FTO: variants seen among roughly 807,000 people sequenced by gnomAD.
The protein encoded by FTO is alpha-ketoglutarate-dependent dioxygenase FTO.
Under a neutral mutation model 63.9 loss-of-function variants are expected in FTO, and 47 were observed. The ratio of observed to expected loss-of-function variants is 0.74; its 90% CI spans 0.58 to 0.94. The LOEUF is 0.94. FTO is among the 40% of genes least tolerant of loss of function. The pLI, the probability that FTO is intolerant of heterozygous loss-of-function variation, is 0.00. For synonymous variants in FTO, 207 were observed against 224.4 expected, an observed-to-expected ratio of 0.92 and a Z score of 0.69; for missense variants, 562 against 618.1, an observed-to-expected ratio of 0.91 and a Z score of 0.96.
At chr16:53,719,639 T>G (rs1332488456) in intron 1 of FTO, among the ~76,000 whole-genome samples, 4 of 151,548 alleles carry the variant, frequency 2.6e-5, no homozygotes, top group Non-Finnish European at 4.4e-5. Context: ...TCTGTTTTTT[T>G]TTTTTTTTTT....
intron 4 of FTO, among the ~76,000 whole-genome samples, chr16:53,861,821 T>C (rs373210273): frequency 6.6e-6 from 1 of 152,232 alleles, no homozygotes. Flanking sequence ...ATAATATTTA[T>C]GAAGACTAAT....
Position 53,791,849 on chromosome 16 carries a change from G to A in FTO, c.46-18291G>A, listed in dbSNP as rs187049827. Among the ~76,000 whole-genome samples the A allele has an allele frequency of 3.3e-3, 503 of 152,194 alleles. 4 individuals carry two copies. Among genetic ancestry groups the A allele is most frequent in the African/African-American group, 0.012 (485 of 41,536 alleles). ...AGCACTTTGGGAGGCCGAGGCGGGCGGATCACGAGGTCAGGAGATCGAGAC... is the reference window on the plus strand; with the variant it reads ...AGCACTTTGGGAGGCCGAGGCGGGCAGATCACGAGGTCAGGAGATCGAGAC... On this transcript the variant is annotated intron_variant, in intron 1 of 8. Transcript: ENST00000471389.
chr16:53,965,460 G>C (rs2083177599), intron 8 of FTO, among the ~76,000 whole-genome samples: 1 of 152,152 alleles, frequency 6.6e-6, no homozygotes, highest in South Asian at 2.1e-4. Context: ...TCATTTAACT[G>C]TGTGGCATGT....
intron 3 of FTO, among the ~76,000 whole-genome samples, chr16:53,839,817 TTA>T (rs879390253): frequency 0.1 from 6,499 of 62,788 alleles, 351 homozygotes; most frequent in East Asian, 0.36. Flanking sequence ...ATTTATTTAT[TTA>T]TTTTAAGGTG....
At chr16:53,983,454 T>C (rs1251594250) in intron 8 of FTO, among the ~76,000 whole-genome samples, 1 of 152,118 alleles carries the variant, frequency 6.6e-6, no homozygotes, top group African/African-American at 2.4e-5. Flanking sequence ...GCATACATTG[T>C]TCTGAAACTT....
intron 8 of FTO, among the ~76,000 whole-genome samples, chr16:54,025,458 C>A (rs1223683618): frequency 6.6e-6 from 1 of 152,202 alleles, no homozygotes; most frequent in Non-Finnish European, 1.5e-5. Context: ...TGTGGTGGCT[C>A]ACACCTATAA....
chr16:53,765,376 G>T (rs972133591), intron 1 of FTO, among the ~76,000 whole-genome samples: 7 of 151,846 alleles, frequency 4.6e-5, no homozygotes, highest in African/African-American at 1.7e-4. Context: ...GGGCAATATG[G>T]TGAAACCCGG....
At chr16:53,997,456 A>G (rs1479803246) in intron 8 of FTO, among the ~76,000 whole-genome samples, 1 of 151,914 alleles carries the variant, frequency 6.6e-6, no homozygotes, top group African/African-American at 2.4e-5. Context: ...AAACCTGGAT[A>G]GGCTGGGGAA....
At chr16:54,078,378 T>C (rs1356297446) in intron 8 of FTO, among the ~76,000 whole-genome samples, 1 of 147,330 alleles carries the variant, frequency 6.8e-6, no homozygotes, top group African/African-American at 2.5e-5. Flanking sequence ...TATATATTAG[T>C]AAAATAATAA....
At chr16:54,093,272 T>A (rs2086437073) in intron 8 of FTO, among the ~76,000 whole-genome samples, 1 of 152,230 alleles carries the variant, frequency 6.6e-6, no homozygotes, top group Non-Finnish European at 1.5e-5. Flanking sequence ...TAGCAAGTTC[T>A]CCAAGTCTCA....
At chr16:54,057,808 G>A (rs1206819661) in intron 8 of FTO, among the ~76,000 whole-genome samples, 1 of 152,098 alleles carries the variant, frequency 6.6e-6, no homozygotes, top group African/African-American at 2.4e-5. Flanking sequence ...TGGTAGATGT[G>A]AGTCATACCC....
intron 3 of FTO, among the ~76,000 whole-genome samples, chr16:53,836,076 A>T (rs2079283362): frequency 6.6e-6 from 1 of 152,012 alleles, no homozygotes; most frequent in Admixed American, 6.5e-5. Flanking sequence ...TTTTTAGTAG[A>T]GACAAGGTTT....
At chr16:53,760,838 G>A (rs191615002) in intron 1 of FTO, among the ~76,000 whole-genome samples, 77 of 151,424 alleles carry the variant, frequency 5.1e-4, no homozygotes, top group Admixed American at 1.1e-3. Flanking sequence ...TGTTGGCCAG[G>A]CTGGTCTGAA....
chr16:53,828,251 G>A (rs2079060262), intron 3 of FTO, among the ~76,000 whole-genome samples: 1 of 151,832 alleles, frequency 6.6e-6, no homozygotes, highest in Non-Finnish European at 1.5e-5. Flanking sequence ...ACGGGGTCTC[G>A]CTCTGTCGCC....
At chr16:53,971,508 C>T (rs774412180) in intron 8 of FTO, among the ~76,000 whole-genome samples, 10 of 152,156 alleles carry the variant, frequency 6.6e-5, no homozygotes, top group African/African-American at 7.2e-5. Context: ...GAGGTTTTCC[C>T]GTTAATCTGT....
chr16:53,772,818 T>C (rs2151635145), intron 1 of FTO, among the ~76,000 whole-genome samples: 1 of 152,284 alleles, frequency 6.6e-6, no homozygotes, highest in African/African-American at 2.4e-5. Flanking sequence ...ACATGGTCTT[T>C]TATTGTCATA....
intron 1 of FTO, among the ~76,000 whole-genome samples, chr16:53,726,824 A>ACT (rs1388201051): frequency 6.6e-6 from 1 of 152,232 alleles, no homozygotes; most frequent in Admixed American, 6.5e-5. Flanking sequence ...ACTGTGCAGC[A>ACT]GTTGGAGCAG....
At chr16:54,051,063 G>A (rs993690032) in intron 8 of FTO, among the ~76,000 whole-genome samples, 10 of 152,122 alleles carry the variant, frequency 6.6e-5, no homozygotes, top group Admixed American at 2.6e-4. Context: ...TACAAAAAGC[G>A]TTATCCATAA....
At chr16:53,859,013 A>G (rs1448310453) in intron 4 of FTO, among the ~76,000 whole-genome samples, 1 of 152,180 alleles carries the variant, frequency 6.6e-6, no homozygotes, top group Non-Finnish European at 1.5e-5. Flanking sequence ...AGCCAGGGCT[A>G]CCTTTCTCCT....
Sources: gnomAD v4.1 joint callset for allele counts (sites outside exome capture counted in the v4.1 genomes callset) on GRCh38, gnomAD v4.1.1 for gene constraint, MANE v1.5 for transcripts, NCBI Gene and HGNC (gene_info 2026-07-23, HGNC 2026-07-21) for gene names.